The following CFAP20DC variants were observed in gnomAD, a reference collection of about 807,000 sequenced individuals.
CFAP20DC encodes protein CFAP20DC.
In CFAP20DC, 84 loss-of-function variants were observed where a neutral mutation model predicts 101.7. The ratio of observed to expected loss-of-function variants is 0.83; its 90% CI spans 0.69 to 0.99. CFAP20DC has a LOEUF of 0.99. Ranked by LOEUF, CFAP20DC falls within the 50% of genes least tolerant of loss-of-function variation. CFAP20DC has a pLI of 0.00. For missense variants in CFAP20DC, 1,007 were observed against 970.3 expected, an observed-to-expected ratio of 1.04 and a Z score of -0.50; for synonymous variants, 359 against 351.2, an observed-to-expected ratio of 1.02 and a Z score of -0.25.
At chr3:58,811,207 T>C (rs2074598185) in intron 14 of CFAP20DC, among the ~76,000 whole-genome samples, 2 of 152,062 alleles carry the variant, frequency 1.3e-5, no homozygotes, top group African/African-American at 4.8e-5. Flanking sequence ...AAAACTACTT[T>C]AAAGTTCATA....
chr3:58,880,560 A>ACAATTGT (rs2081159146), intron 7 of CFAP20DC, among the ~76,000 whole-genome samples: 1 of 152,154 alleles, frequency 6.6e-6, no homozygotes, highest in African/African-American at 2.4e-5. Flanking sequence ...CAAAAGTAAC[A>ACAATTGT]CAATTGTCAA....
At chr3:59,040,636 T>A (rs1338114066) in intron 3 of CFAP20DC, among the ~76,000 whole-genome samples, 2 of 152,028 alleles carry the variant, frequency 1.3e-5, no homozygotes, top group Non-Finnish European at 2.9e-5. Flanking sequence ...TATTTTATAT[T>A]ATTCCAACTT....
intron 5 of CFAP20DC, among the ~76,000 whole-genome samples, chr3:58,929,884 A>G (rs1354130902): frequency 1.3e-5 from 2 of 152,030 alleles, no homozygotes; most frequent in Non-Finnish European, 2.9e-5. Context: ...ATACTTTCCA[A>G]TATCAACTGT....
intron 12 of CFAP20DC, among the ~76,000 whole-genome samples, chr3:58,856,827 G>A (rs541685047): frequency 2.8e-4 from 42 of 152,220 alleles, no homozygotes; most frequent in African/African-American, 9.9e-4. Context: ...GTCTGGTAGC[G>A]AGACAGGGCT....
In CFAP20DC at chr3:59,006,283, G is replaced by A. The variant is rs2093432383; in HGVS notation, c.278+33274C>T. 6.6e-6 allele frequency among the ~76,000 whole-genome samples: 1 copy of A among 152,084 alleles called. No homozygotes were observed. On this transcript the variant is annotated intron_variant, in intron 4 of 16. Coordinates refer to ENST00000482387, the MANE Select transcript of CFAP20DC (RefSeq NM_001394063.1). This position sits in a 1 kb window ranked among gnomAD's most constrained non-coding sequence, Gnocchi z 4.3. Reference sequence around the variant, plus strand: ...CGTTAAAAAGCCATCAGAAGGAGATGGGAGGAAGATGGTGCCCAGGAGGCA... The same window carrying A: ...CGTTAAAAAGCCATCAGAAGGAGATAGGAGGAAGATGGTGCCCAGGAGGCA...
chr3:58,740,122 T>A (rs2067848463), downstream of CFAP20DC, among the ~76,000 whole-genome samples: 1 of 152,078 alleles, frequency 6.6e-6, no homozygotes, highest in African/African-American at 2.4e-5. The surrounding 1 kb of genome is among the most constrained non-coding windows in gnomAD (Gnocchi z 4.6). Flanking sequence ...GGTTGGGTGC[T>A]CTGGCAGGTG....
chr3:59,023,260 A>G (rs2109008657), intron 4 of CFAP20DC, among the ~76,000 whole-genome samples: 1 of 152,172 alleles, frequency 6.6e-6, no homozygotes, highest in South Asian at 2.1e-4. Context: ...GCACTACTGA[A>G]GACCAACCAT....
intron 3 of CFAP20DC, chr3:58,725,895 T>C (rs1278473037): frequency 5.9e-6 from 1 of 168,134 alleles, no homozygotes; most frequent in African/African-American, 2.4e-5. Flanking sequence ...TGGAGCTTTT[T>C]GGAACAAGAA....
At chr3:58,860,515 G>A (rs1465096822) in intron 12 of CFAP20DC, among the ~76,000 whole-genome samples, 1 of 152,126 alleles carries the variant, frequency 6.6e-6, no homozygotes, top group East Asian at 1.9e-4. Flanking sequence ...AAATTCGGGG[G>A]TCCAAATGTT....
chr3:58,740,171 A>G (rs2067849871), downstream of CFAP20DC, among the ~76,000 whole-genome samples: 1 of 152,072 alleles, frequency 6.6e-6, no homozygotes, highest in African/African-American at 2.4e-5. This position sits in a 1 kb window ranked among gnomAD's most constrained non-coding sequence, Gnocchi z 4.6. Flanking sequence ...GAGAGAAGAG[A>G]AAAGAGAGAA....
At chr3:58,794,324 C>T in intron 15 of CFAP20DC, 1 of 455,472 alleles carries the variant, frequency 2.2e-6, no homozygotes, top group Non-Finnish European at 4.4e-6. Flanking sequence ...GGCAAAGGAC[C>T]TAAAGGCTTT....
At chr3:58,916,840 T>C (rs192930883) in intron 5 of CFAP20DC, among the ~76,000 whole-genome samples, 2 of 152,306 alleles carry the variant, frequency 1.3e-5, no homozygotes, top group African/African-American at 4.8e-5. Flanking sequence ...CTGTGATATA[T>C]TTTCTGAAGT....
intron 12 of CFAP20DC, among the ~76,000 whole-genome samples, chr3:58,855,070 T>G (rs2108377419): frequency 6.8e-6 from 1 of 146,476 alleles, no homozygotes; most frequent in Admixed American, 6.8e-5. Flanking sequence ...TGGGAGAAAA[T>G]TTTCGCAACC....
At chr3:58,842,473 G>C (rs1410425830) in intron 13 of CFAP20DC, among the ~76,000 whole-genome samples, 2 of 150,166 alleles carry the variant, frequency 1.3e-5, no homozygotes, top group South Asian at 2.2e-4. Context: ...AAAAAACGGC[G>C]CACCACGAGA....
chr3:58,983,595 A>G (rs6808349), intron 4 of CFAP20DC, among the ~76,000 whole-genome samples: 11,981 of 152,184 alleles, frequency 0.079, 1,543 homozygotes, highest in African/African-American at 0.27. Context: ...AGATTTGCTT[A>G]TTGGAAATAG....
chr3:58,901,319 A>G (rs1172113658), intron 6 of CFAP20DC, among the ~76,000 whole-genome samples: 1 of 152,222 alleles, frequency 6.6e-6, no homozygotes, highest in Non-Finnish European at 1.5e-5. Flanking sequence ...AAGAAGCAGT[A>G]TATTATAGTG....
chr3:58,883,648 G>A (rs1460898258), intron 7 of CFAP20DC, among the ~76,000 whole-genome samples: 2 of 152,088 alleles, frequency 1.3e-5, no homozygotes, highest in Admixed American at 1.3e-4. Flanking sequence ...CATGTCCTGT[G>A]ATTACCATCA....
chr3:58,723,866 AT>A (rs1324395005), intron 3 of CFAP20DC, among the ~76,000 whole-genome samples: 1 of 152,200 alleles, frequency 6.6e-6, no homozygotes, highest in Non-Finnish European at 1.5e-5. Context: ...ATAGGGTTTA[AT>A]AAAAAATGTT....
chr3:58,782,844 C>A (rs551036629), intron 15 of CFAP20DC, among the ~76,000 whole-genome samples: 1 of 152,080 alleles, frequency 6.6e-6, no homozygotes, highest in South Asian at 2.1e-4. Context: ...ATGCCAAAAG[C>A]AATCTACAGA....
Sources: allele counts gnomAD v4.1 joint callset (sites outside exome capture counted in the v4.1 genomes callset), GRCh38; gene constraint gnomAD v4.1.1; non-coding constraint Gnocchi (gnomAD v3.1); transcripts MANE v1.5; gene names NCBI Gene and HGNC (gene_info 2026-07-23, HGNC 2026-07-21).